The following IRGM variants were observed in gnomAD, a reference collection of about 807,000 sequenced individuals.
IRGM encodes immunity-related GTPase family M protein.
For missense variants in IRGM, 288 were observed against 219.9 expected (o/e 1.31, Z -1.96); for synonymous variants, 98 against 80.6 (o/e 1.22, Z -1.16).
chr5:150,865,157 G>A (rs1376878871), intron 1 of IRGM, among the ~76,000 whole-genome samples: 1 of 152,174 alleles, frequency 6.6e-6, no homozygotes, highest in East Asian at 1.9e-4. Flanking sequence ...TGACCAGTAA[G>A]CGTTAACATT....
chr5:150,896,709 G>T (rs756148825), intron 3 of IRGM: 2 of 1,613,376 alleles, frequency 1.2e-6, no homozygotes. Flanking sequence ...TGATATATCT[G>T]TTTCTATGCA....
At chr5:150,886,856 C>G (rs1218407535) in intron 3 of IRGM, among the ~76,000 whole-genome samples, 1 of 151,910 alleles carries the variant, frequency 6.6e-6, no homozygotes, top group East Asian at 1.9e-4. Flanking sequence ...AAACCAACTA[C>G]TGGATTTATT....
chr5:150,898,475 A>G, intron 3 of IRGM: 2 of 1,613,344 alleles, frequency 1.2e-6, no homozygotes, highest in Non-Finnish European at 1.7e-6. Context: ...ATCCCTGTAC[A>G]GGGTCCTCTG....
rs1753913748 is a variant in IRGM at position 150,848,329 on chromosome 5, T to TA, written c.210dup (p.Ala71SerfsTer44). ...AAGGCCTCACCTCCTACTGAGCTGG[T>TA]AAAAGCTACCCAAAGATGTGCCTCC... On this transcript the variant is annotated frameshift_variant, in exon 2 of 2. Coordinates refer to ENST00000522154, the MANE Select transcript of IRGM (RefSeq NM_001145805.2). LOFTEE classifies it low-confidence loss of function (END_TRUNC). 3 of 1,551,816 alleles carry TA rather than the reference T, an allele frequency of 1.9e-6. No homozygotes were observed. In the East Asian group the frequency reaches 7.3e-5, roughly 38 times the overall value.
intron 1 of IRGM, among the ~76,000 whole-genome samples, chr5:150,868,942 G>C (rs993067690): frequency 2.0e-5 from 3 of 152,034 alleles, no homozygotes; most frequent in African/African-American, 7.2e-5. Flanking sequence ...GTGACAGTTT[G>C]ACTTTCTCTT....
intron 3 of IRGM, among the ~76,000 whole-genome samples, chr5:150,890,562 A>G (rs200373648): frequency 7.0e-6 from 1 of 142,670 alleles, no homozygotes; most frequent in South Asian, 2.2e-4. Context: ...TGATTCATTG[A>G]GACTTTTCTT....
At chr5:150,884,281 T>C (rs1196433967) in intron 3 of IRGM, among the ~76,000 whole-genome samples, 1 of 152,138 alleles carries the variant, frequency 6.6e-6, no homozygotes, top group Non-Finnish European at 1.5e-5. Flanking sequence ...TAGTATTCCA[T>C]GGTGTATATG....
chr5:150,874,479 G>A (rs11950979), intron 1 of IRGM, among the ~76,000 whole-genome samples: 6,061 of 152,258 alleles, frequency 0.04, 293 homozygotes, highest in African/African-American at 0.11. Flanking sequence ...TGAAGGATAA[G>A]TTCTGCATTT....
At chr5:150,858,709 A>G (rs1167909201) in intron 1 of IRGM, among the ~76,000 whole-genome samples, 8 of 152,090 alleles carry the variant, frequency 5.3e-5, no homozygotes, top group East Asian at 3.9e-4. Flanking sequence ...GAGTTCACTC[A>G]TGATTTGGCT....
intron 1 of IRGM, among the ~76,000 whole-genome samples, chr5:150,863,930 C>A (rs1561744109): frequency 6.6e-6 from 1 of 152,154 alleles, no homozygotes; most frequent in Non-Finnish European, 1.5e-5. Flanking sequence ...GAGGCACTTA[C>A]CAAGCAGCCT....
chr5:150,893,416 A>G (rs1406441923), intron 3 of IRGM, among the ~76,000 whole-genome samples: 3 of 152,178 alleles, frequency 2.0e-5, no homozygotes, highest in Non-Finnish European at 2.9e-5. Flanking sequence ...GCATTTCTGT[A>G]TATCATTTTA....
chr5:150,858,810 C>T (rs768877509), intron 1 of IRGM, among the ~76,000 whole-genome samples: 32 of 152,282 alleles, frequency 2.1e-4, no homozygotes, highest in South Asian at 4.1e-4. Context: ...TGCTTATCAG[C>T]TTGAGGAGAT....
At position 150,895,629 on chromosome 5, in the gene IRGM, G is replaced by A. The variant is rs149776982; in HGVS notation, c.*141-4960G>A. On this transcript the variant is annotated intron_variant and NMD_transcript_variant, in intron 3 of 3. Coordinates refer to the IRGM transcript ENST00000520549. Reference sequence around the variant, plus strand: ...TCCTGTATGAATTCGCTGGTGTCCCGGAAGGTGGGACTTCTGAGAGAAGGC... The same window carrying A: ...TCCTGTATGAATTCGCTGGTGTCCCAGAAGGTGGGACTTCTGAGAGAAGGC... The A allele has an allele frequency of 1.6e-4, 263 of 1,613,038 alleles. 2 individuals carry two copies. The South Asian group carries it at 2.1e-3, about 13-fold the overall frequency.
Position 150,848,265 on chromosome 5 carries a change from A to T in IRGM, c.142A>T (p.Thr48Ser). 6.4e-7 allele frequency: 1 copy of T among 1,551,756 alleles called. No individual in the cohort carries two copies. Among genetic ancestry groups the T allele is most frequent in the Non-Finnish European group, 8.7e-7 (1 of 1,146,938 alleles). Residue 48 changes from threonine (T) to serine (S), a missense_variant, in exon 2 of 2, where the codon ACC becomes TCC. Physicochemically the swap from Thr to Ser is moderately conservative, Grantham distance 58 (BLOSUM62 1). Coordinates refer to ENST00000522154, the MANE Select transcript of IRGM (RefSeq NM_001145805.2). The stretch of plus-strand genomic sequence containing the variant: ...AGGGGACTCTGGCAATGGGATGTCC[A>T]CCTTCATCAGTGCCCTTCGAAACAC... The part of the protein sequence containing the change: ...MAGDSGNGMS[T>S]FISALRNTGH...
chr5:150,896,981 A>G lies in IRGM; in HGVS notation c.*141-3608A>G, dbSNP rs755970602. On this transcript the variant is annotated intron_variant and NMD_transcript_variant, in intron 3 of 3. Coordinates refer to the IRGM transcript ENST00000520549. ...GAAGGTTACTCTTCCTGTCTAAAAG[A>G]AGAAAAGATACAATTTAAGAGTCAT... The G allele has an allele frequency of 5.6e-6, 9 of 1,593,594 alleles. No homozygotes were observed. The South Asian group carries it at 1.0e-4, about 18-fold the overall frequency.
chr5:150,895,834 C>T (rs1754745469), intron 3 of IRGM: 10 of 1,613,504 alleles, frequency 6.2e-6, no homozygotes, highest in Non-Finnish European at 8.5e-6. Flanking sequence ...TTTCCACATT[C>T]AGTACATTCA....
intron 1 of IRGM, among the ~76,000 whole-genome samples, chr5:150,861,893 A>G (rs28386772): frequency 0.034 from 5,252 of 152,324 alleles, 287 homozygotes; most frequent in African/African-American, 0.12. Context: ...TCAAATATGG[A>G]TTATTAACTA....
chr5:150,873,093 T>G (rs1311980455), intron 1 of IRGM, among the ~76,000 whole-genome samples: 1 of 152,146 alleles, frequency 6.6e-6, no homozygotes, highest in Non-Finnish European at 1.5e-5. Flanking sequence ...AAAGGCAAGG[T>G]GGGCATAGCT....
chr5:150,851,740 G>A (rs904904849), downstream of IRGM, among the ~76,000 whole-genome samples: 1 of 152,218 alleles, frequency 6.6e-6, no homozygotes, highest in African/African-American at 2.4e-5. Context: ...TGTAACCACT[G>A]ATGGTATTTA....
Sources: gnomAD v4.1 joint callset for allele counts (sites outside exome capture counted in the v4.1 genomes callset) on GRCh38, gnomAD v4.1.1 for gene constraint, MANE v1.5 for transcripts, NCBI Gene and HGNC (gene_info 2026-07-23, HGNC 2026-07-21) for gene names.